Variants in BLTP3A observed in about 807,000 individuals in gnomAD.
The protein encoded by BLTP3A is ICBP90 binding protein 1.
the BLTP3A span, chr6:34,834,977 G>C: frequency 1.6e-6 from 2 of 1,288,344 alleles, no homozygotes; most frequent in Non-Finnish European, 1.1e-6. Context: ...CAGTTGAAGG[G>C]GGAAGGCCTG....
the BLTP3A span, among the ~76,000 whole-genome samples, chr6:34,803,494 A>G: frequency 1.3e-4 from 20 of 152,142 alleles, no homozygotes; most frequent in African/African-American, 4.3e-4. Context: ...TTTTTTTACC[A>G]GAATCCTCAA....
the BLTP3A span, among the ~76,000 whole-genome samples, chr6:34,820,284 C>A: frequency 6.6e-6 from 1 of 152,016 alleles, no homozygotes; most frequent in African/African-American, 2.4e-5. Flanking sequence ...ATTTTTAATT[C>A]TTTTCTGTGT....
chr6:34,792,294 G>A, the BLTP3A span: 2 of 1,542,340 alleles, frequency 1.3e-6, no homozygotes, highest in Non-Finnish European at 1.7e-6. Flanking sequence ...CACCTGTCCC[G>A]GTGAGAGCGC....
the BLTP3A span, among the ~76,000 whole-genome samples, chr6:34,801,375 G>A: frequency 6.6e-6 from 1 of 152,262 alleles, no homozygotes; most frequent in African/African-American, 2.4e-5. Context: ...CTGGGTCTTG[G>A]TTGTTAGGGA....
chr6:34,853,993 G>T, the BLTP3A span, among the ~76,000 whole-genome samples: 4 of 152,180 alleles, frequency 2.6e-5, no homozygotes, highest in African/African-American at 9.6e-5. Context: ...GGGGGCCGAG[G>T]TGGGTGGATC....
At chr6:34,848,950 ATTT>A in the BLTP3A span, among the ~76,000 whole-genome samples, 65 of 86,838 alleles carry the variant, frequency 7.5e-4, no homozygotes, top group African/African-American at 2.1e-3. Context: ...AATTTCTTGC[ATTT>A]TTTTTTTTTT....
At chr6:34,796,597 T>C in the BLTP3A span, among the ~76,000 whole-genome samples, 1 of 152,244 alleles carries the variant, frequency 6.6e-6, no homozygotes, top group Non-Finnish European at 1.5e-5. Flanking sequence ...TTGTTTTACG[T>C]GACCTAAGCT....
chr6:34,818,528 C>T, the BLTP3A span, among the ~76,000 whole-genome samples: 66,535 of 151,688 alleles, frequency 0.44, 16,372 homozygotes, highest in African/African-American at 0.67. Context: ...ACACTAAGTA[C>T]GTAAATAGAT....
the BLTP3A span, among the ~76,000 whole-genome samples, chr6:34,815,888 T>C: frequency 9.2e-5 from 14 of 152,330 alleles, no homozygotes; most frequent in African/African-American, 3.1e-4. Flanking sequence ...CCTCAAGTGA[T>C]CTGTCCGCCT....
the BLTP3A span, among the ~76,000 whole-genome samples, chr6:34,819,173 C>G: frequency 1.4e-5 from 2 of 142,456 alleles, no homozygotes; most frequent in Non-Finnish European, 3.0e-5. Flanking sequence ...TTTTATTATA[C>G]TTTAAGTTTT....
chr6:34,829,238 A>G, the BLTP3A span, among the ~76,000 whole-genome samples: 1 of 152,116 alleles, frequency 6.6e-6, no homozygotes, highest in African/African-American at 2.4e-5. Context: ...GAAACTCCAT[A>G]CATATTAGCA....
chr6:34,837,009 A>G, the BLTP3A span, among the ~76,000 whole-genome samples: 1 of 152,200 alleles, frequency 6.6e-6, no homozygotes, highest in Admixed American at 6.5e-5. Context: ...CTCACTCATT[A>G]CCTCAAAAGT....
chr6:34,861,192 C>A, the BLTP3A span, among the ~76,000 whole-genome samples: 1 of 151,664 alleles, frequency 6.6e-6, no homozygotes. Flanking sequence ...GTGGTGCGAT[C>A]TCTGCTCACT....
chr6:34,857,048 T>A, the BLTP3A span: 1 of 1,315,974 alleles, frequency 7.6e-7, no homozygotes, highest in Non-Finnish European at 1.0e-6. Context: ...CTGGGAAGAT[T>A]AATAGTTTGG....
chr6:34,835,149 T>C, the BLTP3A span: 1 of 946,832 alleles, frequency 1.1e-6, no homozygotes, highest in Non-Finnish European at 1.6e-6. Context: ...TTAGTAGTTT[T>C]ATAAGAAATT....
the BLTP3A span, chr6:34,873,554 G>C: frequency 3.3e-5 from 5 of 152,102 alleles, no homozygotes; most frequent in African/African-American, 1.2e-4. Flanking sequence ...TTTGCCCCCT[G>C]CCCTATAAGA....
the BLTP3A span, among the ~76,000 whole-genome samples, chr6:34,804,629 G>A: frequency 6.6e-6 from 1 of 152,160 alleles, no homozygotes; most frequent in Non-Finnish European, 1.5e-5. Flanking sequence ...GTGGAACACA[G>A]CTAGAAATGA....
chr6:34,876,367 A>T, the BLTP3A span: 1 of 152,210 alleles, frequency 6.6e-6, no homozygotes, highest in Admixed American at 6.5e-5. Context: ...TACCCCTGTA[A>T]CTTAAATGCT....
chr6:34,827,833 T>C, the BLTP3A span, among the ~76,000 whole-genome samples: 2 of 152,114 alleles, frequency 1.3e-5, no homozygotes, highest in African/African-American at 4.8e-5. Flanking sequence ...GGTTTCACCA[T>C]GTTGCCCAGG....
Sources: gnomAD v4.1 joint callset for allele counts (sites outside exome capture counted in the v4.1 genomes callset) on GRCh38, gnomAD v4.1.1 for gene constraint, MANE v1.5 for transcripts, NCBI Gene and HGNC (gene_info 2026-07-23, HGNC 2026-07-21) for gene names.